Variants in SDCCAG8 observed in about 807,000 individuals in gnomAD.
The protein encoded by SDCCAG8 is serologically defined colon cancer antigen 8.
Under a neutral mutation model 101.8 loss-of-function variants are expected in SDCCAG8, and 74 were observed. That is an observed-to-expected ratio of 0.73 (90% CI 0.60 to 0.88). The LOEUF is 0.88. Ranked by LOEUF, SDCCAG8 falls within the 40% of genes least tolerant of loss-of-function variation. SDCCAG8 has a pLI of 0.00. For missense variants in SDCCAG8, 787 were observed against 822.6 expected, an observed-to-expected ratio of 0.96 and a Z score of 0.53; for synonymous variants, 281 against 292.9, an observed-to-expected ratio of 0.96 and a Z score of 0.41.
intron 6 of SDCCAG8, among the ~76,000 whole-genome samples, chr1:243,296,487 AG>A (rs1349979661): frequency 6.9e-6 from 1 of 145,784 alleles, no homozygotes; most frequent in Non-Finnish European, 1.5e-5. Flanking sequence ...TTCTTGCTTC[AG>A]TATGCTTCAG....
At chr1:243,494,599 C>T (rs952783676) in intron 17 of SDCCAG8, among the ~76,000 whole-genome samples, 6 of 152,124 alleles carry the variant, frequency 3.9e-5, no homozygotes, top group Admixed American at 2.0e-4. Context: ...TATTGAAAAG[C>T]GCATAGGGCT....
At chr1:243,468,304 G>A (rs1444598970) in intron 16 of SDCCAG8, among the ~76,000 whole-genome samples, 2 of 150,370 alleles carry the variant, frequency 1.3e-5, no homozygotes, top group Admixed American at 1.3e-4. Context: ...TGCAACCTCC[G>A]CCTCCCGGGT....
chr1:243,400,854 A>G (rs547837210), intron 13 of SDCCAG8, among the ~76,000 whole-genome samples: 1 of 152,256 alleles, frequency 6.6e-6, no homozygotes, highest in African/African-American at 2.4e-5. Context: ...TATTGGCACA[A>G]ATTTGAAGTA....
At chr1:243,440,919 T>G (rs190096841) in intron 16 of SDCCAG8, among the ~76,000 whole-genome samples, 1 of 152,348 alleles carries the variant, frequency 6.6e-6, no homozygotes, top group Admixed American at 6.5e-5. Flanking sequence ...GGTTTTGTGA[T>G]AATATCTTGA....
At chr1:243,289,319 T>C (rs1025890603) in intron 5 of SDCCAG8, among the ~76,000 whole-genome samples, 10 of 152,156 alleles carry the variant, frequency 6.6e-5, no homozygotes, top group African/African-American at 2.2e-4. Flanking sequence ...CTGCTTTATA[T>C]TCGCTGGCAG....
chr1:243,354,289 C>G (rs2076264595), intron 12 of SDCCAG8, among the ~76,000 whole-genome samples: 1 of 152,146 alleles, frequency 6.6e-6, no homozygotes, highest in South Asian at 2.1e-4. Context: ...TTGCATGGAG[C>G]CTCAAGTTTT....
At chr1:243,403,693 A>G (rs2079556773) in intron 13 of SDCCAG8, among the ~76,000 whole-genome samples, 2 of 152,058 alleles carry the variant, frequency 1.3e-5, no homozygotes, top group Non-Finnish European at 2.9e-5. Context: ...CATGTGAGGG[A>G]TCTAGGTTGT....
chr1:243,318,718 C>G (rs879767000), intron 9 of SDCCAG8, among the ~76,000 whole-genome samples: 2 of 152,092 alleles, frequency 1.3e-5, no homozygotes, highest in Non-Finnish European at 2.9e-5. Context: ...TCTAGCTGTC[C>G]CTCAATGCCA....
intron 3 of SDCCAG8, among the ~76,000 whole-genome samples, chr1:243,273,381 GT>G (rs2068254189): frequency 6.6e-6 from 1 of 151,974 alleles, no homozygotes; most frequent in African/African-American, 2.4e-5. Flanking sequence ...AAAAAATTAT[GT>G]GATGGGTATA....
At chr1:243,314,199 C>T (rs796654728) in intron 8 of SDCCAG8, among the ~76,000 whole-genome samples, 4 of 152,292 alleles carry the variant, frequency 2.6e-5, no homozygotes, top group African/African-American at 9.6e-5. Flanking sequence ...TTGAAGCATG[C>T]GTTGCATTTG....
intron 4 of SDCCAG8, among the ~76,000 whole-genome samples, chr1:243,281,473 T>TC (rs765931596): frequency 2.0e-5 from 3 of 151,886 alleles, no homozygotes; most frequent in Non-Finnish European, 4.4e-5. Flanking sequence ...AGTTTATTGT[T>TC]CTTTTTTTTA....
intron 16 of SDCCAG8, among the ~76,000 whole-genome samples, chr1:243,472,171 G>A (rs1661397575): frequency 6.6e-6 from 1 of 152,220 alleles, no homozygotes; most frequent in Admixed American, 6.5e-5. Context: ...TTTAGCTGCT[G>A]ATATAGTTAG....
At chr1:243,327,155 G>C (rs1009794267) in intron 9 of SDCCAG8, among the ~76,000 whole-genome samples, 4 of 151,954 alleles carry the variant, frequency 2.6e-5, no homozygotes, top group Non-Finnish European at 5.9e-5. Context: ...GCCAGGACTT[G>C]GGAACTACTG....
chr1:243,416,221 A>T lies in SDCCAG8; in HGVS notation c.1744+392A>T, dbSNP rs548968544. ...GCTCTGCGGGAAATGCTCTGAGCTT[A>T]CAGTTAGAGTCTCCTGAATAGCATT... On this transcript the variant is annotated intron_variant, in intron 14 of 17. Coordinates refer to ENST00000366541, the MANE Select transcript of SDCCAG8 (RefSeq NM_006642.5). The surrounding 1 kb of genome is among the most constrained non-coding windows in gnomAD (Gnocchi z 4.3). 6.6e-6 allele frequency among the ~76,000 whole-genome samples: 1 copy of T among 152,188 alleles called. No individual in the cohort carries two copies. Among genetic ancestry groups the T allele is most frequent in the African/African-American group, 2.4e-5 (1 of 41,450 alleles).
At chr1:243,394,980 G>T (rs2078949829) in intron 13 of SDCCAG8, among the ~76,000 whole-genome samples, 1 of 152,004 alleles carries the variant, frequency 6.6e-6, no homozygotes, top group Admixed American at 6.6e-5. Flanking sequence ...TATTAACGGT[G>T]TTCTCTGAGT....
Position 243,474,373 on chromosome 1 carries a change from G to C in SDCCAG8, c.1986-14641G>C, listed in dbSNP as rs1661914890. On this transcript the variant is annotated intron_variant, in intron 16 of 17. Coordinates refer to ENST00000366541, the MANE Select transcript of SDCCAG8 (RefSeq NM_006642.5). The surrounding 1 kb of genome is among the most constrained non-coding windows in gnomAD (Gnocchi z 4.7). ...TGGAGTCGCCTGAGCCAGATGCTCC[G>C]CACCCAGCCTCCCCAAGCCCCGGCC... Among the ~76,000 whole-genome samples, 1 of 152,100 alleles carries C rather than the reference G, an allele frequency of 6.6e-6. No individual in the cohort carries two copies. Among genetic ancestry groups the C allele is most frequent in the Non-Finnish European group, 1.5e-5 (1 of 68,006 alleles).
At chr1:243,424,431 T>C (rs144691188) in intron 15 of SDCCAG8, among the ~76,000 whole-genome samples, 1 of 152,198 alleles carries the variant, frequency 6.6e-6, no homozygotes, top group South Asian at 2.1e-4. Context: ...AAAGGATGAA[T>C]ACAGAACAGA....
intron 16 of SDCCAG8, among the ~76,000 whole-genome samples, chr1:243,439,622 T>TCA (rs60044857): frequency 0.11 from 13,708 of 120,048 alleles, 804 homozygotes; most frequent in Middle Eastern, 0.23. Context: ...TGAGACTCCA[T>TCA]CACACACACA....
chr1:243,316,315 A>G (rs1239584004), intron 8 of SDCCAG8, among the ~76,000 whole-genome samples: 1 of 152,210 alleles, frequency 6.6e-6, no homozygotes, highest in Non-Finnish European at 1.5e-5. Flanking sequence ...AGGAAAGGAC[A>G]TATATTTGTT....
Sources: gnomAD v4.1 joint callset for allele counts (sites outside exome capture counted in the v4.1 genomes callset) on GRCh38, gnomAD v4.1.1 for gene constraint, Gnocchi (gnomAD v3.1) non-coding constraint, MANE v1.5 for transcripts, NCBI Gene and HGNC (gene_info 2026-07-23, HGNC 2026-07-21) for gene names.